TNIK: variants seen among roughly 807,000 people sequenced by gnomAD.
The protein encoded by TNIK is TRAF2 and NCK-interacting protein kinase.
A neutral mutation model predicts 191.3 loss-of-function variants in TNIK; 49 were observed. That is an observed-to-expected ratio of 0.26 (90% CI 0.20 to 0.32). TNIK has a LOEUF of 0.32. Among genes scored for constraint, TNIK ranks in the 10% least tolerant of loss-of-function variants. The pLI is 1.00. For synonymous variants in TNIK, 594 were observed against 600.9 expected (o/e 0.99, Z 0.17); for missense variants, 1,155 against 1,702.3 (o/e 0.68, Z 5.66).
At chr3:171,131,329 C>T (rs1729237686) in intron 15 of TNIK, among the ~76,000 whole-genome samples, 2 of 90,632 alleles carry the variant, frequency 2.2e-5, no homozygotes, top group South Asian at 8.0e-4. Flanking sequence ...CAGAGCGAGA[C>T]TCCGTCTCAA....
chr3:171,076,113 C>CT (rs371623919), intron 28 of TNIK, among the ~76,000 whole-genome samples: 1,620 of 144,370 alleles, frequency 0.011, 30 homozygotes, highest in African/African-American at 0.037. Context: ...AGGTCAGGGG[C>CT]TTTTTTTTTT....
intron 2 of TNIK, among the ~76,000 whole-genome samples, chr3:171,289,833 C>G (rs575350769): frequency 6.8e-6 from 1 of 146,128 alleles, no homozygotes; most frequent in South Asian, 2.1e-4. Context: ...ACCCAGGAGG[C>G]AGAGGTTGCA....
chr3:171,333,538 C>T (rs2108373757), intron 2 of TNIK, among the ~76,000 whole-genome samples: 1 of 146,568 alleles, frequency 6.8e-6, no homozygotes, highest in South Asian at 2.3e-4. Flanking sequence ...CGCACCACTG[C>T]ACTCCAACCT....
At chr3:171,087,026 C>A (rs887551224) in intron 24 of TNIK, among the ~76,000 whole-genome samples, 1 of 152,148 alleles carries the variant, frequency 6.6e-6, no homozygotes, top group South Asian at 2.1e-4. Context: ...AAGTTTCCAT[C>A]AGAACTGGAG....
At chr3:171,197,682 T>C (rs537760324) in intron 4 of TNIK, among the ~76,000 whole-genome samples, 1 of 152,214 alleles carries the variant, frequency 6.6e-6, no homozygotes. Context: ...ATTAGGAAAA[T>C]ACAAACCAAA....
chr3:171,357,251 CAT>C (rs1714223137), intron 2 of TNIK, among the ~76,000 whole-genome samples: 1 of 151,910 alleles, frequency 6.6e-6, no homozygotes, highest in Admixed American at 6.6e-5. Flanking sequence ...CAAACCTAAA[CAT>C]ATCTCACTGA....
chr3:171,098,426 C>T (rs1034871388), intron 22 of TNIK, among the ~76,000 whole-genome samples: 1 of 152,140 alleles, frequency 6.6e-6, no homozygotes, highest in Admixed American at 6.5e-5. Context: ...TTTCCCTCCA[C>T]TCGTTATTTT....
intron 1 of TNIK, among the ~76,000 whole-genome samples, chr3:171,375,765 A>C (rs999630404): frequency 6.6e-6 from 1 of 152,238 alleles, no homozygotes; most frequent in Non-Finnish European, 1.5e-5. Context: ...TTTCCTTCAC[A>C]TCATAAAAGA....
intron 1 of TNIK, among the ~76,000 whole-genome samples, chr3:171,433,820 G>A (rs1383899594): frequency 6.6e-6 from 1 of 150,888 alleles, no homozygotes; most frequent in African/African-American, 2.4e-5. Context: ...CCTTTAGTAT[G>A]TCCCTTGTTA....
Position 171,310,304 on chromosome 3 carries a change from T to C in TNIK, c.123+59316A>G, listed in dbSNP as rs149030081. ...ATACTGAATCTAATGCAGCCTCTTA[T>C]AGAGCTGCTGAGCCATCATTTTTGT... On this transcript the variant is annotated intron_variant, in intron 2 of 32. Coordinates refer to ENST00000436636, the MANE Select transcript of TNIK (RefSeq NM_015028.4). Among the ~76,000 whole-genome samples the C allele has an allele frequency of 3.4e-4, 51 of 152,192 alleles. No homozygotes were observed. In the East Asian group the frequency reaches 8.9e-3, roughly 27 times the overall value.
At chr3:171,104,236 G>T (rs542295938) in intron 21 of TNIK, among the ~76,000 whole-genome samples, 1 of 151,904 alleles carries the variant, frequency 6.6e-6, no homozygotes, top group Admixed American at 6.6e-5. Context: ...TTTCTTATCC[G>T]TCCAGTATTG....
At chr3:171,276,226 C>A (rs1458356141) in intron 2 of TNIK, among the ~76,000 whole-genome samples, 1 of 152,126 alleles carries the variant, frequency 6.6e-6, no homozygotes, top group East Asian at 1.9e-4. Flanking sequence ...CCCTCCACAC[C>A]CTTTTATAGG....
intron 1 of TNIK, among the ~76,000 whole-genome samples, chr3:171,400,584 A>AAATAAATAAATAAATAAATAAAT (rs1350843859): frequency 2.0e-5 from 3 of 151,954 alleles, no homozygotes. Flanking sequence ...ATAAATAAAT[A>AAATAAATAAATAAATAAATAAAT]AATAAATAAA....
intron 1 of TNIK, among the ~76,000 whole-genome samples, chr3:171,457,002 A>G (rs953498121): frequency 3.3e-5 from 5 of 152,332 alleles, no homozygotes; most frequent in African/African-American, 1.2e-4. Context: ...CAAGTGTTCA[A>G]TGAAAGGAGT....
At chr3:171,277,487 AC>A (rs921891154) in intron 2 of TNIK, among the ~76,000 whole-genome samples, 2 of 152,194 alleles carry the variant, frequency 1.3e-5, no homozygotes, top group African/African-American at 4.8e-5. Context: ...ACAAGGCCTA[AC>A]ACTATTTTGA....
intron 2 of TNIK, among the ~76,000 whole-genome samples, chr3:171,354,099 C>A (rs2108446703): frequency 6.6e-6 from 1 of 152,154 alleles, no homozygotes. Flanking sequence ...TTTAGAAACT[C>A]ACTCCCAGTA....
At chr3:171,213,156 A>C (rs1405499940) in intron 3 of TNIK, among the ~76,000 whole-genome samples, 1 of 152,020 alleles carries the variant, frequency 6.6e-6, no homozygotes, top group East Asian at 1.9e-4. Context: ...CCAGCCCTCA[A>C]CTTGTTGAAG....
At chr3:171,090,235 G>A (rs1024361657) in intron 23 of TNIK, among the ~76,000 whole-genome samples, 1 of 152,076 alleles carries the variant, frequency 6.6e-6, no homozygotes, top group Non-Finnish European at 1.5e-5. Flanking sequence ...CAGGCAGCAA[G>A]AGAGCCAGAG....
intron 1 of TNIK, among the ~76,000 whole-genome samples, chr3:171,414,006 C>G (rs1722733607): frequency 6.6e-6 from 1 of 152,168 alleles, no homozygotes; most frequent in African/African-American, 2.4e-5. Flanking sequence ...TTTTTAATCC[C>G]CCACAGCACC....
Sources: allele counts gnomAD v4.1 joint callset (sites outside exome capture counted in the v4.1 genomes callset), GRCh38; gene constraint gnomAD v4.1.1; transcripts MANE v1.5; gene names NCBI Gene and HGNC (gene_info 2026-07-23, HGNC 2026-07-21).